The following PKIG variants were observed in gnomAD, a reference collection of about 807,000 sequenced individuals.
The protein encoded by PKIG is protein kinase (cAMP-dependent, catalytic) inhibitor gamma.
Under a neutral mutation model 6.8 loss-of-function variants are expected in PKIG, and 1 was observed. The observed-to-expected ratio is 0.15, with a 90% CI of 0.05 to 0.69. The LOEUF is 0.69. PKIG is among the 30% of genes least tolerant of loss of function. PKIG has a pLI of 0.82. For missense variants in PKIG, 77 were observed against 104.0 expected (o/e 0.74, Z 1.13); for synonymous variants, 39 against 43.0 (o/e 0.91, Z 0.36).
Position 44,572,839 on chromosome 20 carries a change from A to T in PKIG, c.-240-9746A>T, listed in dbSNP as rs549093006. On this transcript the variant is annotated intron_variant, in intron 1 of 4. Coordinates refer to the PKIG transcript ENST00000372887. ...AGAGCTTCAGCTACCCTGACTTGAG[A>T]TGACCAAGGGTCACATGTTCACCCT... Among the ~76,000 whole-genome samples, 20 of 152,214 alleles carry T rather than the reference A, an allele frequency of 1.3e-4. No individual in the cohort carries two copies. The South Asian group carries it at 2.3e-3, about 17-fold the overall frequency.
intron 1 of PKIG, among the ~76,000 whole-genome samples, chr20:44,554,075 A>T (rs905354798): frequency 2.0e-5 from 3 of 151,516 alleles, no homozygotes; most frequent in Non-Finnish European, 4.4e-5. Flanking sequence ...TTTAAAAAAA[A>T]ATTTTTTTTT....
Position 44,537,533 on chromosome 20 carries a change from C to T in PKIG, c.-241+5555C>T, listed in dbSNP as rs188667511. On this transcript the variant is annotated intron_variant, in intron 1 of 4. Coordinates refer to the PKIG transcript ENST00000372887. ...ACAGGCGTGAGCCACCGTGCCCTGC[C>T]TGTGTTCAGTTTTATCTCAATAACA... Among the ~76,000 whole-genome samples the T allele has an allele frequency of 1.7e-4, 26 of 152,052 alleles. 1 individual carries two copies. The highest frequency in any genetic ancestry group is 6.3e-4 in the African/African-American group (26 of 41,490).
chr20:44,538,562 C>A (rs1250947459), intron 1 of PKIG, among the ~76,000 whole-genome samples: 1 of 152,228 alleles, frequency 6.6e-6, no homozygotes, highest in South Asian at 2.1e-4. Context: ...TGCCTACTTC[C>A]ATCCCACCTT....
At chr20:44,598,582 A>G (rs999781890) in intron 2 of PKIG, 2 of 152,148 alleles carry the variant, frequency 1.3e-5, no homozygotes, top group African/African-American at 4.8e-5. Context: ...CCAGGAAGTG[A>G]TCTCACTTTC....
intron 1 of PKIG, among the ~76,000 whole-genome samples, chr20:44,538,814 A>T (rs989660811): frequency 1.3e-5 from 2 of 152,134 alleles, no homozygotes; most frequent in Non-Finnish European, 2.9e-5. Context: ...TTCAAGATGG[A>T]GTCTCGCTAT....
intron 2 of PKIG, among the ~76,000 whole-genome samples, chr20:44,594,805 G>C (rs2065061884): frequency 6.6e-6 from 1 of 152,142 alleles, no homozygotes; most frequent in African/African-American, 2.4e-5. Context: ...CCTCTACTCT[G>C]CCTCCAGCAC....
intron 1 of PKIG, among the ~76,000 whole-genome samples, chr20:44,532,606 T>A (rs1207895235): frequency 6.6e-6 from 1 of 152,172 alleles, no homozygotes; most frequent in Non-Finnish European, 1.5e-5. Flanking sequence ...TAAACAAGAA[T>A]TCACAGTGAT....
At chr20:44,601,357 C>T (rs950092416) in intron 2 of PKIG, among the ~76,000 whole-genome samples, 2 of 152,384 alleles carry the variant, frequency 1.3e-5, no homozygotes, top group South Asian at 2.1e-4. Context: ...CCCAGGCAGG[C>T]GACAGGCTCC....
intron 1 of PKIG, among the ~76,000 whole-genome samples, chr20:44,560,835 G>A (rs111814461): frequency 2.6e-5 from 4 of 152,122 alleles, no homozygotes; most frequent in Admixed American, 1.3e-4. Context: ...TTATCATCCC[G>A]GACATCAAAA....
chr20:44,581,369 C>G (rs2064946956), upstream of PKIG, among the ~76,000 whole-genome samples: 1 of 152,064 alleles, frequency 6.6e-6, no homozygotes, highest in Non-Finnish European at 1.5e-5. Flanking sequence ...TCTCACAATC[C>G]TAAAACAGAG....
chr20:44,571,215 G>C (rs1210619618), intron 1 of PKIG, among the ~76,000 whole-genome samples: 1 of 143,668 alleles, frequency 7.0e-6, no homozygotes, highest in Non-Finnish European at 1.5e-5. Flanking sequence ...CTATGCGATA[G>C]AGAGACTCAA....
chr20:44,546,042 GT>G (rs1315228545), intron 1 of PKIG, among the ~76,000 whole-genome samples: 1 of 152,140 alleles, frequency 6.6e-6, no homozygotes, highest in Non-Finnish European at 1.5e-5. Flanking sequence ...GAGTCCAGGA[GT>G]TCGAGACACA....
chr20:44,541,393 A>G (rs938150811), intron 1 of PKIG, among the ~76,000 whole-genome samples: 2 of 151,978 alleles, frequency 1.3e-5, no homozygotes, highest in African/African-American at 4.8e-5. Flanking sequence ...GACTCAAGTG[A>G]TCCTCTCACC....
chr20:44,613,866 G>A (rs887258542), intron 2 of PKIG, among the ~76,000 whole-genome samples: 1 of 152,182 alleles, frequency 6.6e-6, no homozygotes, highest in African/African-American at 2.4e-5. Context: ...TCTGGCTCCT[G>A]CCTACCTCAG....
intron 1 of PKIG, among the ~76,000 whole-genome samples, chr20:44,575,005 G>C (rs2064884176): frequency 6.6e-6 from 1 of 152,152 alleles, no homozygotes; most frequent in Non-Finnish European, 1.5e-5. Context: ...GTTCTAGTCA[G>C]ATCCAAACAA....
chr20:44,596,184 A>G (rs560084249), intron 2 of PKIG, among the ~76,000 whole-genome samples: 2 of 152,350 alleles, frequency 1.3e-5, no homozygotes, highest in East Asian at 3.9e-4. Context: ...CAAATGTATC[A>G]GCATCATGCC....
intron 1 of PKIG, among the ~76,000 whole-genome samples, chr20:44,555,466 C>G (rs1483805159): frequency 6.6e-6 from 1 of 152,188 alleles, no homozygotes; most frequent in East Asian, 1.9e-4. Flanking sequence ...CTAAATCCTT[C>G]TAAATATCCA....
At chr20:44,557,563 G>A (rs2064724735) in intron 1 of PKIG, among the ~76,000 whole-genome samples, 1 of 147,268 alleles carries the variant, frequency 6.8e-6, no homozygotes, top group South Asian at 2.1e-4. Context: ...GCTTACGCCT[G>A]TAATCCCAAC....
chr20:44,574,729 A>G (rs914582890), intron 1 of PKIG, among the ~76,000 whole-genome samples: 1 of 152,048 alleles, frequency 6.6e-6, no homozygotes, highest in Admixed American at 6.6e-5. Context: ...ACACGCCACC[A>G]TGCCCAGCTA....
Sources: allele counts gnomAD v4.1 joint callset (sites outside exome capture counted in the v4.1 genomes callset), GRCh38; gene constraint gnomAD v4.1.1; transcripts MANE v1.5; gene names NCBI Gene and HGNC (gene_info 2026-07-23, HGNC 2026-07-21).